The following RIT2 variants were observed in gnomAD, a reference collection of about 807,000 sequenced individuals.
The protein encoded by RIT2 is GTP-binding protein Rit2.
In RIT2, 24 loss-of-function variants were observed where a neutral mutation model predicts 23.7. The observed-to-expected ratio is 1.01, with a 90% CI of 0.73 to 1.43. RIT2 has a LOEUF of 1.43. Among genes scored for constraint, RIT2 ranks in the 40% most tolerant of loss-of-function variants. RIT2 has a pLI of 0.00. For missense variants in RIT2, 236 were observed against 266.9 expected (o/e 0.88, Z 0.81); for synonymous variants, 107 against 91.1 (o/e 1.17, Z -0.99).
intron 4 of RIT2, among the ~76,000 whole-genome samples, chr18:42,838,265 G>A (rs1906670997): frequency 6.6e-6 from 1 of 152,046 alleles, no homozygotes; most frequent in South Asian, 2.1e-4. Flanking sequence ...GCAAGAAAGA[G>A]TAAGGTTTCA....
intron 4 of RIT2, among the ~76,000 whole-genome samples, chr18:42,918,689 A>G (rs1445493538): frequency 2.4e-4 from 36 of 152,136 alleles, no homozygotes; most frequent in Admixed American, 2.4e-3. Context: ...ATGTGTCTAC[A>G]AGGGAGACAC....
intron 4 of RIT2, among the ~76,000 whole-genome samples, chr18:42,767,623 G>C (rs1253966106): frequency 6.6e-6 from 1 of 152,144 alleles, no homozygotes; most frequent in East Asian, 1.9e-4. Flanking sequence ...GGGAAGGCAT[G>C]ATTGGTCTTG....
rs138160320 is a variant in RIT2, at chr18:42,764,930, G to A, written c.427-21210C>T. ...TTGCCAGCTGATTTGACACATTTGA[G>A]AGTCCATTTATCTAAGCTATCTTGA... On this transcript the variant is annotated intron_variant, in intron 4 of 4. Coordinates refer to ENST00000326695, the MANE Select transcript of RIT2 (RefSeq NM_002930.4). Among the ~76,000 whole-genome samples, 581 of 152,318 alleles carry A rather than the reference G, an allele frequency of 3.8e-3. 4 individuals are homozygous for A. Among genetic ancestry groups the A allele is most frequent in the Non-Finnish European group, 6.2e-3 (425 of 68,030 alleles).
chr18:42,899,827 T>C (rs1354042134), intron 4 of RIT2, among the ~76,000 whole-genome samples: 2 of 152,152 alleles, frequency 1.3e-5, no homozygotes, highest in Admixed American at 1.3e-4. Flanking sequence ...TGTAGTTCCT[T>C]ACCTAAGGAA....
At chr18:42,909,295 A>G (rs1908705787) in intron 4 of RIT2, among the ~76,000 whole-genome samples, 4 of 152,252 alleles carry the variant, frequency 2.6e-5, no homozygotes, top group Admixed American at 2.0e-4. Flanking sequence ...CATAAGAGTG[A>G]CGTAATGGAC....
At chr18:42,777,849 T>G (rs1913710209) in intron 4 of RIT2, among the ~76,000 whole-genome samples, 2 of 152,214 alleles carry the variant, frequency 1.3e-5, no homozygotes, top group Admixed American at 6.5e-5. Flanking sequence ...CTGGAATTTT[T>G]AGCCAGCATA....
chr18:42,934,527 A>G lies in RIT2; in HGVS notation c.235-10764T>C, dbSNP rs143248198. 8.5e-5 allele frequency among the ~76,000 whole-genome samples: 13 copies of G among 152,270 alleles called. No individual in the cohort carries two copies. In the East Asian group the frequency reaches 2.3e-3, roughly 27 times the overall value. On this transcript the variant is annotated intron_variant, in intron 3 of 4. Coordinates refer to ENST00000326695, the MANE Select transcript of RIT2 (RefSeq NM_002930.4). ...GGTTTCTATTATGGTATTGTTTGTG[A>G]GATGCCTCAAGATGGATTCACTTGG... is the stretch of plus-strand genomic sequence containing the variant.
chr18:42,815,113 A>G (rs116550534), intron 4 of RIT2, among the ~76,000 whole-genome samples: 1 of 152,298 alleles, frequency 6.6e-6, no homozygotes, highest in African/African-American at 2.4e-5. Context: ...AAAACAAGGT[A>G]TTTTGCATCC....
intron 4 of RIT2, among the ~76,000 whole-genome samples, chr18:42,830,123 C>A (rs1906413268): frequency 6.6e-6 from 1 of 152,140 alleles, no homozygotes; most frequent in East Asian, 1.9e-4. Flanking sequence ...TACCCTCACC[C>A]TAATGTAATG....
intron 4 of RIT2, 28 bp downstream of exon 4, chr18:42,923,544 G>A (rs371391140): frequency 1.7e-5 from 28 of 1,600,268 alleles, no homozygotes; most frequent in Non-Finnish European, 2.3e-5. Context: ...GCAAAAGACA[G>A]AAGCTACCAG....
At chr18:43,027,738 G>C (rs1040022780) in intron 2 of RIT2, among the ~76,000 whole-genome samples, 1 of 152,026 alleles carries the variant, frequency 6.6e-6, no homozygotes, top group Admixed American at 6.6e-5. Context: ...GCCTATTTAA[G>C]ATCAAGCATA....
chr18:43,035,767 A>G (rs934684363), intron 1 of RIT2, among the ~76,000 whole-genome samples: 1 of 151,924 alleles, frequency 6.6e-6, no homozygotes, highest in African/African-American at 2.4e-5. Context: ...CCATCCACTG[A>G]CCCCAATCCT....
At chr18:43,097,345 G>A (rs1913577806) in intron 1 of RIT2, among the ~76,000 whole-genome samples, 1 of 151,770 alleles carries the variant, frequency 6.6e-6, no homozygotes, top group African/African-American at 2.4e-5. Flanking sequence ...GAAAAGACAG[G>A]ACATACACAG....
At chr18:43,083,678 C>T (rs1913212326) in intron 1 of RIT2, among the ~76,000 whole-genome samples, 1 of 152,164 alleles carries the variant, frequency 6.6e-6, no homozygotes, top group Non-Finnish European at 1.5e-5. Flanking sequence ...ACTGGCTACT[C>T]ATATGCAGAA....
At chr18:42,819,240 T>C (rs1344043592) in intron 4 of RIT2, among the ~76,000 whole-genome samples, 1 of 143,208 alleles carries the variant, frequency 7.0e-6, no homozygotes, top group African/African-American at 2.7e-5. Context: ...TATTCACCAA[T>C]AGGATTATGC....
chr18:43,090,814 C>A (rs1913405997), intron 1 of RIT2, among the ~76,000 whole-genome samples: 1 of 151,900 alleles, frequency 6.6e-6, no homozygotes. Flanking sequence ...TAAGTTGGAG[C>A]TAAATGATGA....
At chr18:42,909,985 T>G (rs1908724583) in intron 4 of RIT2, among the ~76,000 whole-genome samples, 1 of 152,142 alleles carries the variant, frequency 6.6e-6, no homozygotes, top group South Asian at 2.1e-4. Context: ...CAATTATACC[T>G]GAAAGCGGTT....
rs16977171 is a variant in RIT2, at chr18:42,974,155, A to G, written c.161-8T>C. ...GGGTCTTATAAGCATCTTCTGAAAA[A>G]CACAAGACAACATTTACATTTAAAT... On this transcript the variant is annotated splice_polypyrimidine_tract_variant and splice_region_variant and intron_variant, in intron 2 of 4. Coordinates refer to ENST00000326695, the MANE Select transcript of RIT2 (RefSeq NM_002930.4). The G allele has an allele frequency of 0.093, 147,587 of 1,591,822 alleles. 8,042 individuals are homozygous for G. Among genetic ancestry groups the G allele is most frequent in the East Asian group, 0.23 (10,243 of 44,544 alleles).
intron 2 of RIT2, among the ~76,000 whole-genome samples, chr18:43,007,655 G>A (rs1000627399): frequency 6.6e-6 from 1 of 151,622 alleles, no homozygotes; most frequent in African/African-American, 2.4e-5. Flanking sequence ...CAAAAGATAA[G>A]GCAATTGGAA....
Sources: gnomAD v4.1 joint callset for allele counts (sites outside exome capture counted in the v4.1 genomes callset) on GRCh38, gnomAD v4.1.1 for gene constraint, MANE v1.5 for transcripts, NCBI Gene and HGNC (gene_info 2026-07-23, HGNC 2026-07-21) for gene names.